TUBB3: variants seen among roughly 807,000 people sequenced by gnomAD.
The protein encoded by TUBB3 is tubulin beta 3 class III, also known as tubulin beta-3 chain.
In TUBB3, 17 loss-of-function variants were observed where a neutral mutation model predicts 37.8. The observed-to-expected ratio is 0.45, with a 90% CI of 0.31 to 0.67. The LOEUF is 0.67. Ranked by LOEUF, TUBB3 falls within the 30% of genes least tolerant of loss-of-function variation. The pLI is 0.07. For synonymous variants in TUBB3, 332 were observed against 278.9 expected (o/e 1.19, Z -1.90); for missense variants, 262 against 657.9 (o/e 0.40, Z 6.58).
At chr16:89,927,819 C>G (rs2030140372) in intron 1 of TUBB3, among the ~76,000 whole-genome samples, 1 of 152,226 alleles carries the variant, frequency 6.6e-6, no homozygotes, top group African/African-American at 2.4e-5. Context: ...GCTCCTGCTG[C>G]CCTGTGCCTC....
chr16:89,924,966 C>T (rs2030022698), intron 1 of TUBB3, among the ~76,000 whole-genome samples: 1 of 150,976 alleles, frequency 6.6e-6, no homozygotes, highest in African/African-American at 2.4e-5. Flanking sequence ...GGCAGGCAGC[C>T]CTGGGGCTCC....
At position 89,934,500 on chromosome 16, in the gene TUBB3, C is replaced by A. The variant is rs750242226; in HGVS notation, c.278-229C>A. Reference sequence around the variant, plus strand: ...GAGGCAGAGCCTCGCTCTGCTGTGACCCCAAGTTCTCAAGACTCTGTCCAG... The same window carrying A: ...GAGGCAGAGCCTCGCTCTGCTGTGAACCCAAGTTCTCAAGACTCTGTCCAG... On this transcript the variant is annotated intron_variant, in intron 3 of 3. Transcript: ENST00000315491. The A allele has an allele frequency of 1.2e-5, 8 of 644,016 alleles. No individual in the cohort carries two copies. The South Asian group carries it at 1.3e-4, about 10-fold the overall frequency. 39.9% of individuals were successfully genotyped at this position (644,016 alleles called of 1,614,324 possible).
chr16:89,933,337 A>G, intron 2 of TUBB3, 131 bp from the exon 3 acceptor site: 1 of 840,754 alleles, frequency 1.2e-6, no homozygotes. Context: ...TTGGTCCAGG[A>G]CTCTGACTTC....
chr16:89,927,393 AAAGG>A (rs1476763895), intron 1 of TUBB3, among the ~76,000 whole-genome samples: 2 of 152,104 alleles, frequency 1.3e-5, no homozygotes, highest in Non-Finnish European at 2.9e-5. Flanking sequence ...TAAAAAAAAA[AAAGG>A]AACAATATAT....
upstream of TUBB3, among the ~76,000 whole-genome samples, chr16:89,922,814 C>T (rs1163209720): frequency 1.3e-5 from 2 of 152,230 alleles, no homozygotes; most frequent in African/African-American, 4.8e-5. Flanking sequence ...TCTGATCCGA[C>T]GCTTTGTTTC....
Position 89,923,471 on chromosome 16 carries a change from G to T in TUBB3, c.57+13G>T, listed in dbSNP as rs2029958760. 1 of 1,469,756 alleles carries T rather than the reference G, an allele frequency of 6.8e-7. No homozygotes were observed. Among genetic ancestry groups the T allele is most frequent in the Non-Finnish European group, 9.0e-7 (1 of 1,108,094 alleles). The allele number at this position is 1,469,756 out of a possible 1,614,324, so 91.0% of individuals were successfully genotyped here. A position where few individuals can be genotyped will look rare whatever the true frequency, so the allele number is the denominator to read the frequency against. ...GATCGGGGCCAAGGTGAGGCTGCGC[G>T]CCCCGGCCTGTCCCGGGCCCCGGGG... On this transcript the variant is annotated intron_variant, in intron 1 of 3. Coordinates refer to ENST00000315491, the MANE Select transcript of TUBB3 (RefSeq NM_006086.4).
intron 1 of TUBB3, among the ~76,000 whole-genome samples, chr16:89,923,749 G>C (rs1231061169): frequency 6.6e-6 from 1 of 152,084 alleles, no homozygotes; most frequent in Non-Finnish European, 1.5e-5. Flanking sequence ...CCCCTCCACC[G>C]GGCCTCCGCA....
intron 1 of TUBB3, among the ~76,000 whole-genome samples, 167 bp downstream of exon 1, chr16:89,923,625 T>C (rs1267306557): frequency 1.3e-5 from 2 of 152,054 alleles, no homozygotes; most frequent in East Asian, 3.9e-4. Flanking sequence ...GCCCTGGGAC[T>C]CTCGCCTGCA....
chr16:89,933,333 C>T, intron 2 of TUBB3, 135 bp from the exon 3 acceptor site: 3 of 832,546 alleles, frequency 3.6e-6, no homozygotes, highest in Non-Finnish European at 4.2e-6. Flanking sequence ...GCCTTTGGTC[C>T]AGGACTCTGA....
chr16:89,934,604 A>G (rs2030389460), intron 3 of TUBB3, 125 bp from the exon 4 acceptor site: 2 of 959,050 alleles, frequency 2.1e-6, no homozygotes, highest in Admixed American at 2.2e-5. Flanking sequence ...AGTGGGGCCT[A>G]CTTTACAGAA....
intron 2 of TUBB3, 109 bp downstream of exon 2, chr16:89,932,788 C>T (rs1477182520): frequency 3.4e-6 from 3 of 894,562 alleles, no homozygotes; most frequent in South Asian, 2.8e-5. Context: ...CATCTCTGTC[C>T]TCCCATGGGT....
chr16:89,925,101 G>A (rs2030027579), intron 1 of TUBB3, among the ~76,000 whole-genome samples: 1 of 152,166 alleles, frequency 6.6e-6, no homozygotes, highest in East Asian at 1.9e-4. Context: ...TCAGGCAAGA[G>A]CTGGGATCTA....
rs1221483017 is a variant in TUBB3 at position 89,935,128 on chromosome 16, A to T, written c.677A>T (p.Asn226Ile). The T allele has an allele frequency of 6.2e-7, 1 of 1,613,894 alleles. No individual in the cohort carries two copies. The highest frequency in any genetic ancestry group is 1.3e-5 in the African/African-American group (1 of 74,892). The change falls in exon 4 of 4, where the codon AAC becomes ATC. Residue 226 changes from asparagine to isoleucine, a missense_variant. Asn to Ile is a moderately radical substitution (Grantham distance 149). Around this residue, in one of 3 missense-constraint regions of TUBB3, gnomAD observed 165 missense variants for 556.8 expected, o/e 0.30. Coordinates refer to ENST00000315491, the MANE Select transcript of TUBB3 (RefSeq NM_006086.4). ...GCCACGCCCACCTACGGGGACCTCA[A>T]CCACCTGGTATCGGCCACCATGAGC... ...KLATPTYGDL[N>I]HLVSATMSGV... is the part of the protein sequence containing the mutation.
At chr16:89,928,591 C>A (rs1447183699) in intron 1 of TUBB3, among the ~76,000 whole-genome samples, 4 of 151,404 alleles carry the variant, frequency 2.6e-5, no homozygotes, top group Non-Finnish European at 5.9e-5. Flanking sequence ...GTGGCACAAT[C>A]TCGGTTCACT....
chr16:89,924,751 G>C (rs2030014158), intron 1 of TUBB3, among the ~76,000 whole-genome samples: 2 of 152,178 alleles, frequency 1.3e-5, no homozygotes, highest in African/African-American at 4.8e-5. Flanking sequence ...CACCCAAGGA[G>C]ACAGCTGTGC....
chr16:89,926,049 G>T (rs1417755258), intron 1 of TUBB3, among the ~76,000 whole-genome samples: 1 of 152,250 alleles, frequency 6.6e-6, no homozygotes, highest in Non-Finnish European at 1.5e-5. Context: ...ACCCCGGGGG[G>T]GGCAGGGGCG....
Position 89,935,824 on chromosome 16 carries a change from G to A in TUBB3, c.*20G>A, listed in dbSNP as rs781359240. 6.2e-6 allele frequency: 10 copies of A among 1,607,788 alleles called. No homozygotes were observed. Among genetic ancestry groups the A allele is most frequent in the Non-Finnish European group, 8.5e-6 (10 of 1,176,406 alleles). The stretch of plus-strand genomic sequence containing the variant: ...AAGTGAAGCTGCTCGCAGCTGGAGT[G>A]AGAGGCAGGTGGCGGCCGGGGCCGA... On this transcript the variant is annotated 3_prime_UTR_variant, in exon 4 of 4. Transcript: ENST00000315491.
chr16:89,924,689 C>T lies in TUBB3; in HGVS notation c.57+1231C>T, dbSNP rs995485479. Among the ~76,000 whole-genome samples, 17 of 152,100 alleles carry T rather than the reference C, an allele frequency of 1.1e-4. No homozygotes were observed. In the South Asian group the frequency reaches 1.5e-3, roughly 13 times the overall value. On this transcript the variant is annotated intron_variant, in intron 1 of 3. Coordinates refer to ENST00000315491, the MANE Select transcript of TUBB3 (RefSeq NM_006086.4). ...GACATGTAAATTGCAACTTTGGCTC[C>T]GGGTGGAGGCGCCTCTGAGGGTGGG...
At chr16:89,923,823 T>G (rs1473860111) in intron 1 of TUBB3, among the ~76,000 whole-genome samples, 1 of 151,698 alleles carries the variant, frequency 6.6e-6, no homozygotes, top group Non-Finnish European at 1.5e-5. Context: ...TAGCCTTGAG[T>G]GAGACGGGTG....
Sources: gnomAD v4.1 joint callset for allele counts (sites outside exome capture counted in the v4.1 genomes callset) on GRCh38, gnomAD v4.1.1 for gene constraint, gnomAD v4.1.1 regional missense constraint, MANE v1.5 for transcripts, NCBI Gene and HGNC (gene_info 2026-07-23, HGNC 2026-07-21) for gene names.